The following DCP1B variants were observed in gnomAD, a reference collection of about 807,000 sequenced individuals.
The protein encoded by DCP1B is mRNA-decapping enzyme 1B.
In DCP1B, 47 loss-of-function variants were observed where a neutral mutation model predicts 60.5. That is an observed-to-expected ratio of 0.78 (90% CI 0.61 to 0.99). The LOEUF (loss-of-function observed/expected upper bound fraction) is 0.99, where lower values mean the gene tolerates loss of function less well. DCP1B is among the 50% of genes least tolerant of loss of function. The probability of loss-of-function intolerance (pLI) is 0.00; values close to 1 mark genes in which losing one functional copy is unlikely to be tolerated. For synonymous variants in DCP1B, 267 were observed against 280.3 expected (o/e 0.95, Z 0.47); for missense variants, 725 against 756.8 (o/e 0.96, Z 0.49).
intron 5 of DCP1B, among the ~76,000 whole-genome samples, chr12:1,963,200 G>T (rs2031182764): frequency 6.6e-6 from 1 of 152,208 alleles, no homozygotes; most frequent in Non-Finnish European, 1.5e-5. Flanking sequence ...GGTTCAGGAG[G>T]AGGCAGCCTG....
Position 1,949,198 on chromosome 12 carries a change from G to C in DCP1B, c.1661C>G (p.Pro554Arg). Residue 554 changes from proline to arginine, a missense_variant, in exon 8 of 9, where the codon CCT (proline) becomes CGT (arginine). Transcript: ENST00000280665. ...CAGGAGGAGGCTGGTGGCAGCAGCA[G>C]GTGGCTCCTGGCCTCCCACAGGCAA... ...GLLPVGGQEP[P>R]AAATSLLLPI... 6.2e-7 allele frequency: 1 copy of C among 1,614,196 alleles called. No homozygotes were observed. The highest frequency in any genetic ancestry group is 8.5e-7 in the Non-Finnish European group (1 of 1,180,036).
intron 3 of DCP1B, among the ~76,000 whole-genome samples, chr12:1,990,420 T>C (rs2039062821): frequency 6.6e-6 from 1 of 152,236 alleles, no homozygotes. Context: ...TAATCTATTT[T>C]GTGTTTGAAT....
At chr12:1,993,529 C>A (rs1027208977) in intron 2 of DCP1B, 138 bp from the exon 3 acceptor site, 2 of 992,140 alleles carry the variant, frequency 2.0e-6, no homozygotes. Flanking sequence ...TGTACACGTA[C>A]TTCTTCACCA....
At chr12:1,976,757 A>G (rs1394115986) in intron 3 of DCP1B, among the ~76,000 whole-genome samples, 8 of 145,498 alleles carry the variant, frequency 5.5e-5, no homozygotes, top group Admixed American at 5.4e-4. Context: ...ATATATGCAA[A>G]TTTTGGGAGG....
At chr12:1,963,504 A>G (rs941887958) in intron 5 of DCP1B, among the ~76,000 whole-genome samples, 1 of 152,234 alleles carries the variant, frequency 6.6e-6, no homozygotes. Context: ...CGGATAACTA[A>G]TAATTATTTT....
chr12:1,950,473 C>T (rs2030625528), intron 7 of DCP1B: 8 of 692,428 alleles, frequency 1.2e-5, no homozygotes, highest in Non-Finnish European at 1.8e-5. Flanking sequence ...AAAAAGCAGA[C>T]ATTTTTAAAA....
chr12:1,995,867 C>T (rs941845868), intron 2 of DCP1B, among the ~76,000 whole-genome samples: 1 of 152,086 alleles, frequency 6.6e-6, no homozygotes, highest in Non-Finnish European at 1.5e-5. Flanking sequence ...AACTCTAAAC[C>T]ATCTCCAGCC....
chr12:1,955,520 G>A lies in DCP1B; in HGVS notation c.563C>T (p.Ser188Phe), dbSNP rs1395872835. Residue 188 changes from serine to phenylalanine, a missense_variant, in exon 6 of 9, where the codon TCT (serine) becomes TTT (phenylalanine). By Grantham distance (155) the Ser-to-Phe change is radical. Coordinates refer to ENST00000280665, the MANE Select transcript of DCP1B (RefSeq NM_152640.5). The part of the protein sequence containing the change: ...CSEPKKITSS[S>F]AIYDNPNLIK... The stretch of plus-strand genomic sequence containing the variant: ...GAGATTTGGATTGTCATAGATGGCA[G>A]AGGAACTGGTTATCTTTTTTGGCTC... The A allele has an allele frequency of 1.2e-6, 2 of 1,613,758 alleles. No homozygotes were observed. The highest frequency in any genetic ancestry group is 1.7e-6 in the Non-Finnish European group (2 of 1,179,790).
intron 8 of DCP1B, 56 bp downstream of exon 8, chr12:1,949,030 A>C: frequency 1.3e-6 from 2 of 1,581,716 alleles, no homozygotes; most frequent in Admixed American, 3.4e-5. Flanking sequence ...TCATAGTTGC[A>C]GCCAGGAGGC....
intron 3 of DCP1B, chr12:1,991,159 G>A: frequency 2.2e-6 from 1 of 456,236 alleles, no homozygotes; most frequent in Non-Finnish European, 4.4e-6. Context: ...GAGCAGTACA[G>A]GTGGTGTGGA....
In DCP1B at chr12:1,948,276, A is replaced by C. The variant is rs2030515631; in HGVS notation, c.1773+810T>G. Among the ~76,000 whole-genome samples the C allele has an allele frequency of 6.6e-6, 1 of 152,210 alleles. No individual in the cohort carries two copies. Among genetic ancestry groups the C allele is most frequent in the Non-Finnish European group, 1.5e-5 (1 of 68,040 alleles). On this transcript the variant is annotated intron_variant, in intron 8 of 8. Transcript: ENST00000280665. This position sits in a 1 kb window ranked among gnomAD's most constrained non-coding sequence, Gnocchi z 4.8. Reference sequence around the variant, plus strand: ...GTCCCTGCCAACATTCATGTGGTGAACGTGGCCCACGGGAGAGTACGTGGG... The same window carrying C: ...GTCCCTGCCAACATTCATGTGGTGACCGTGGCCCACGGGAGAGTACGTGGG...
intron 3 of DCP1B, among the ~76,000 whole-genome samples, chr12:1,989,550 C>A (rs2038806699): frequency 6.6e-6 from 1 of 152,178 alleles, no homozygotes; most frequent in Admixed American, 6.5e-5. Flanking sequence ...CCTGTCTCTA[C>A]TAAAAACACA....
Position 1,953,037 on chromosome 12 carries a change from G to C in DCP1B, c.903C>G (p.Ser301Arg). The C allele has an allele frequency of 6.2e-7, 1 of 1,614,132 alleles. No homozygotes were observed. Among genetic ancestry groups the C allele is most frequent in the East Asian group, 2.2e-5 (1 of 44,884 alleles). ...GCTCTGACAATGGGTGGAGGTCTGC[G>C]CTCCTGACCATGAGTTTCTGAATGG... ...CPAIQKLMVR[S>R]ADLHPLSELP... is the part of the protein sequence containing the mutation. Residue 301 changes from serine (S) to arginine (R), a missense_variant, in exon 7 of 9, where the codon AGC (serine) becomes AGG (arginine). Coordinates refer to ENST00000280665, the MANE Select transcript of DCP1B (RefSeq NM_152640.5).
chr12:1,982,428 T>A lies in DCP1B; in HGVS notation c.319+10836A>T, dbSNP rs192851459. On this transcript the variant is annotated intron_variant, in intron 3 of 8. Transcript: ENST00000280665. ...ACCACTATTTTACTTTCTGTCTGTA[T>A]GAATTTGACTACTCTAGGTACCTCA... 7.2e-5 allele frequency among the ~76,000 whole-genome samples: 11 copies of A among 152,284 alleles called. No homozygotes were observed. In the East Asian group the frequency reaches 2.1e-3, roughly 29 times the overall value.
chr12:1,990,887 T>G (rs1248251249), intron 3 of DCP1B, among the ~76,000 whole-genome samples: 1 of 151,954 alleles, frequency 6.6e-6, no homozygotes, highest in Non-Finnish European at 1.5e-5. Context: ...TAAACCCTTC[T>G]GTGTACCTTT....
rs142212772 is a variant in DCP1B at position 1,952,924 on chromosome 12, T to G, written c.1016A>C (p.Asn339Thr). 5.5e-5 allele frequency: 89 copies of G among 1,614,054 alleles called. No individual in the cohort carries two copies. The highest frequency in any genetic ancestry group is 1.6e-4 in the Middle Eastern group (1 of 6,084). Residue 339 changes from asparagine (N) to threonine (T), a missense_variant, in exon 7 of 9, where the codon AAC (asparagine) becomes ACC (threonine). Coordinates refer to ENST00000280665, the MANE Select transcript of DCP1B (RefSeq NM_152640.5). ...TGPVQPGSPH[N>T]IGTSRGVQNA... ...TTGTACACCACGAGAAGTTCCAATG[T>G]TGTGAGGAGACCCTGGCTGGACAGG...
chr12:1,946,025 G>C (rs1030506970), downstream of DCP1B: 4 of 498,756 alleles, frequency 8.0e-6, no homozygotes, highest in Middle Eastern at 5.3e-4. Context: ...AGAACTTAAA[G>C]TATAATAATA....
At chr12:1,950,083 A>G (rs984200770) in intron 7 of DCP1B, 8 of 499,786 alleles carry the variant, frequency 1.6e-5, no homozygotes, top group African/African-American at 1.5e-4. Flanking sequence ...AACTCAGGGA[A>G]GAAAAAGAAT....
intron 5 of DCP1B, among the ~76,000 whole-genome samples, chr12:1,960,149 C>T (rs1000853891): frequency 2.6e-5 from 4 of 152,042 alleles, no homozygotes; most frequent in Non-Finnish European, 4.4e-5. Context: ...AAGTGTTCAT[C>T]AATGAATGAA....
Sources: allele counts gnomAD v4.1 joint callset (sites outside exome capture counted in the v4.1 genomes callset), GRCh38; gene constraint gnomAD v4.1.1; non-coding constraint Gnocchi (gnomAD v3.1); transcripts MANE v1.5; gene names NCBI Gene and HGNC (gene_info 2026-07-23, HGNC 2026-07-21).